Variants in CR1L observed in about 807,000 individuals in gnomAD.
CR1L encodes complement component receptor 1-like protein.
Under a neutral mutation model 62.3 loss-of-function variants are expected in CR1L, and 59 were observed. That is an observed-to-expected ratio of 0.95 (90% CI 0.77 to 1.18). The LOEUF (loss-of-function observed/expected upper bound fraction) is 1.18. CR1L is among the 50% of genes most tolerant of loss of function. The pLI is 0.00. For missense variants in CR1L, 700 were observed against 702.8 expected, an observed-to-expected ratio of 1.00 and a Z score of 0.04; for synonymous variants, 279 against 248.7, an observed-to-expected ratio of 1.12 and a Z score of -1.15.
At chr1:207,669,257 G>T in intron 1 of CR1L, 1 of 481,654 alleles carries the variant, frequency 2.1e-6, no homozygotes, top group South Asian at 2.2e-5. Flanking sequence ...CAATGCAAAT[G>T]GGGAGTAAAC....
intron 9 of CR1L, among the ~76,000 whole-genome samples, chr1:207,707,575 C>T (rs1977267): frequency 0.62 from 93,931 of 151,974 alleles, 29,971 homozygotes; most frequent in East Asian, 0.87. Context: ...TTGCAGTGAG[C>T]AGATATTGCA....
At chr1:207,680,648 A>G (rs1365705425) in intron 3 of CR1L, among the ~76,000 whole-genome samples, 6 of 152,228 alleles carry the variant, frequency 3.9e-5, no homozygotes, top group African/African-American at 1.2e-4. Flanking sequence ...ATTCAAACTT[A>G]TAGCTGGGAG....
chr1:207,668,218 T>C (rs1486692957), intron 1 of CR1L, among the ~76,000 whole-genome samples: 1 of 151,050 alleles, frequency 6.6e-6, no homozygotes, highest in African/African-American at 2.5e-5. Context: ...ATCTGCACTC[T>C]CACATTCAAT....
intron 4 of CR1L, 127 bp from the exon 5 acceptor site, chr1:207,694,226 G>T: frequency 8.3e-7 from 1 of 1,197,688 alleles, no homozygotes; most frequent in Non-Finnish European, 1.2e-6. Flanking sequence ...TTACAACTTT[G>T]TAAAAATGTA....
chr1:207,698,491 G>A (rs1664142651), intron 7 of CR1L, among the ~76,000 whole-genome samples: 1 of 152,130 alleles, frequency 6.6e-6, no homozygotes, highest in South Asian at 2.1e-4. Context: ...TTCACAGGGT[G>A]CACATCTCTA....
In CR1L at chr1:207,679,322, A is replaced by G. The variant is rs140215934; in HGVS notation, c.377+1025A>G. On this transcript the variant is annotated intron_variant, in intron 3 of 11. Transcript: ENST00000508064. ...ACCCAGCCCAAAATTCTCTCTTTCA[A>G]TAAGGACACCAGTCATATTGGATTG... 6.0e-3 allele frequency among the ~76,000 whole-genome samples: 906 copies of G among 152,022 alleles called. 6 individuals are homozygous for G. The highest frequency in any genetic ancestry group is 0.02 in the African/African-American group (849 of 41,470).
intron 1 of CR1L, among the ~76,000 whole-genome samples, chr1:207,665,167 C>T (rs1663497653): frequency 6.6e-6 from 1 of 151,376 alleles, no homozygotes; most frequent in African/African-American, 2.4e-5. Context: ...CATTCTCCTG[C>T]CTCAGCCTCC....
intron 10 of CR1L, chr1:207,710,724 C>T (rs1571534847): frequency 6.2e-7 from 1 of 1,609,704 alleles, no homozygotes; most frequent in South Asian, 1.1e-5. Context: ...GGACCCCCCG[C>T]ACCGTGTGCA....
At chr1:207,716,177 G>A (rs1653993303) in intron 10 of CR1L, among the ~76,000 whole-genome samples, 2 of 152,024 alleles carry the variant, frequency 1.3e-5, no homozygotes, top group South Asian at 2.1e-4. Context: ...ATATTTTCTT[G>A]TTGGGAAGAA....
chr1:207,713,208 A>G (rs1459511041), intron 10 of CR1L, among the ~76,000 whole-genome samples: 4 of 152,190 alleles, frequency 2.6e-5, no homozygotes, highest in Non-Finnish European at 4.4e-5. Flanking sequence ...ATGAATGGGT[A>G]CGTATTTATT....
At chr1:207,708,138 G>A (rs527333936) in intron 9 of CR1L, 40 bp from the exon 10 acceptor site, 1 of 1,324,100 alleles carries the variant, frequency 7.6e-7, no homozygotes, top group Admixed American at 1.9e-5. Context: ...AAGTTGATGA[G>A]GTATGTACAG....
chr1:207,694,797 T>G, intron 5 of CR1L, 46 bp downstream of exon 5: 4 of 1,611,420 alleles, frequency 2.5e-6, no homozygotes, highest in Non-Finnish European at 2.5e-6. Flanking sequence ...TGACATGCAT[T>G]GCTGTTGGAT....
intron 4 of CR1L, among the ~76,000 whole-genome samples, chr1:207,690,961 T>A (rs1307919150): frequency 6.6e-6 from 1 of 152,200 alleles, no homozygotes; most frequent in African/African-American, 2.4e-5. Flanking sequence ...ATTAATTTGA[T>A]TGTATCTACA....
At chr1:207,646,294 A>T (rs1205221941) in intron 1 of CR1L, among the ~76,000 whole-genome samples, 1 of 152,310 alleles carries the variant, frequency 6.6e-6, no homozygotes, top group East Asian at 1.9e-4. Context: ...CCTAGTGAGA[A>T]ATTAGTATCC....
At chr1:207,659,720 A>G (rs969436883) in intron 1 of CR1L, among the ~76,000 whole-genome samples, 1 of 152,206 alleles carries the variant, frequency 6.6e-6, no homozygotes, top group Non-Finnish European at 1.5e-5. Context: ...CCAAGGAAGT[A>G]CAAAGGGTCA....
intron 1 of CR1L, chr1:207,669,613 C>T: frequency 1.8e-6 from 2 of 1,140,328 alleles, no homozygotes; most frequent in Non-Finnish European, 2.5e-6. Context: ...ACGAGGCACC[C>T]AGGGCCCCGC....
chr1:207,665,618 C>T (rs747854729), intron 1 of CR1L, among the ~76,000 whole-genome samples: 6 of 152,026 alleles, frequency 3.9e-5, no homozygotes, highest in Non-Finnish European at 8.8e-5. Context: ...TGGTCTCGAA[C>T]TCCTGACCTC....
At chr1:207,688,574 C>A (rs1369604965) in intron 4 of CR1L, among the ~76,000 whole-genome samples, 1 of 152,126 alleles carries the variant, frequency 6.6e-6, no homozygotes, top group Non-Finnish European at 1.5e-5. Context: ...CTTTGCATTA[C>A]CATATAAAAT....
At chr1:207,692,331 C>T (rs915120125) in intron 4 of CR1L, among the ~76,000 whole-genome samples, 2 of 152,184 alleles carry the variant, frequency 1.3e-5, no homozygotes, top group African/African-American at 2.4e-5. Flanking sequence ...GCCTCAGCAT[C>T]CATTTAGAAT....
Sources: gnomAD v4.1 joint callset for allele counts (sites outside exome capture counted in the v4.1 genomes callset) on GRCh38, gnomAD v4.1.1 for gene constraint, MANE v1.5 for transcripts, NCBI Gene and HGNC (gene_info 2026-07-23, HGNC 2026-07-21) for gene names.